MLLT1: variants seen among roughly 807,000 people sequenced by gnomAD.
The protein encoded by MLLT1 is protein ENL.
Under a neutral mutation model 55.1 loss-of-function variants are expected in MLLT1, and 11 were observed. The observed-to-expected ratio is 0.20, with a 90% CI of 0.13 to 0.33. The LOEUF (loss-of-function observed/expected upper bound fraction) is 0.33. Among genes scored for constraint, MLLT1 ranks in the 10% least tolerant of loss-of-function variants. The pLI, the probability that MLLT1 is intolerant of heterozygous loss-of-function variation, is 1.00. For synonymous variants in MLLT1, 323 were observed against 320.1 expected, an observed-to-expected ratio of 1.01 and a Z score of -0.10; for missense variants, 536 against 760.6, an observed-to-expected ratio of 0.70 and a Z score of 3.47.
intron 3 of MLLT1, among the ~76,000 whole-genome samples, chr19:6,249,521 C>T (rs1289248651): frequency 6.6e-6 from 1 of 152,158 alleles, no homozygotes; most frequent in African/African-American, 2.4e-5. Context: ...AGCATGTCCT[C>T]CCAGCCCACA....
intron 3 of MLLT1, among the ~76,000 whole-genome samples, chr19:6,255,552 T>G (rs181524958): frequency 6.6e-6 from 1 of 152,316 alleles, no homozygotes; most frequent in East Asian, 1.9e-4. Flanking sequence ...AAGACTTATG[T>G]ATACTGAAAA....
At position 6,213,747 on chromosome 19, in the gene MLLT1, G is replaced by A; in HGVS notation, c.1458C>T (p.Leu486=). The A allele has an allele frequency of 1.3e-6, 2 of 1,587,892 alleles. No individual in the cohort carries two copies. Among genetic ancestry groups the A allele is most frequent in the Non-Finnish European group, 1.7e-6 (2 of 1,170,980 alleles). ...CCACCTTGTCGTAGGTGCCCTTCTT[G>A]AGGATCTTCTCAGGCTTGCTGCAGG... The part of the protein sequence containing the change: ...PESCSKPEKI[L]KKGTYDKAYT... Residue 486 remains leucine, a synonymous_variant, in exon 10 of 12, where the codon CTC becomes CTT. Transcript: ENST00000252674.
chr19:6,268,339 T>C (rs768402269), intron 2 of MLLT1, among the ~76,000 whole-genome samples: 236 of 152,340 alleles, frequency 1.5e-3, no homozygotes, highest in Non-Finnish European at 2.2e-3. Context: ...GGATAAATTC[T>C]AACCCTTCAA....
chr19:6,275,876 G>A (rs549687295), intron 1 of MLLT1, among the ~76,000 whole-genome samples: 1 of 152,244 alleles, frequency 6.6e-6, no homozygotes, highest in Non-Finnish European at 1.5e-5. Context: ...GGAGGCCTGG[G>A]ACAGAGTATT....
rs146185055 is a variant in MLLT1 at position 6,212,035 on chromosome 19, C to G, written c.*1007G>C. 5 of 1,066,030 alleles carry G rather than the reference C, an allele frequency of 4.7e-6. No individual in the cohort carries two copies. In the East Asian group the frequency reaches 1.5e-4, roughly 32 times the overall value. 66.0% of individuals were successfully genotyped at this position (1,066,030 alleles called of 1,614,324 possible). On this transcript the variant is annotated 3_prime_UTR_variant, in exon 12 of 12. Coordinates refer to ENST00000252674, the MANE Select transcript of MLLT1 (RefSeq NM_005934.4). ...AATGCGCCTCAGAAAACTCCATAAA[C>G]TATCCCGTCTTATTTGGCAAAAGCT...
At position 6,262,165 on chromosome 19, in the gene MLLT1, G is replaced by T; in HGVS notation, c.276+63C>A. 7.5e-7 allele frequency: 1 copy of T among 1,330,760 alleles called. No homozygotes were observed. The highest frequency in any genetic ancestry group is 1.1e-6 in the Non-Finnish European group (1 of 924,560). The allele number at this position is 1,330,760 out of a possible 1,614,324, so 82.4% of individuals were successfully genotyped here. On this transcript the variant is annotated intron_variant, in intron 3 of 11. Coordinates refer to ENST00000252674, the MANE Select transcript of MLLT1 (RefSeq NM_005934.4). This position sits in a 1 kb window ranked among gnomAD's most constrained non-coding sequence, Gnocchi z 4.4. ...TCTCTGGCCTGTTTTGTGAACTGCC[G>T]TGGCACCCGGAGCAGGGGTCCCCAC... is the stretch of plus-strand genomic sequence containing the variant.
intron 1 of MLLT1, among the ~76,000 whole-genome samples, chr19:6,277,038 T>G (rs948294544): frequency 6.6e-6 from 1 of 152,204 alleles, no homozygotes; most frequent in Non-Finnish European, 1.5e-5. Context: ...AATGAGGCAC[T>G]AACATTTTGT....
intron 3 of MLLT1, among the ~76,000 whole-genome samples, chr19:6,237,205 G>A (rs1045277354): frequency 7.2e-5 from 11 of 152,340 alleles, no homozygotes; most frequent in Admixed American, 2.0e-4. Flanking sequence ...TGTGGCCGGC[G>A]GGCCATGCGT....
Position 6,244,364 on chromosome 19 carries a change from TA to T in MLLT1, c.277-13652del, listed in dbSNP as rs200383302. 6.7e-3 allele frequency among the ~76,000 whole-genome samples: 936 copies of T among 139,508 alleles called. 10 individuals carry two copies. The highest frequency in any genetic ancestry group is 0.016 in the African/African-American group (627 of 38,374). 91.5% of individuals were successfully genotyped at this position (139,508 alleles called of 152,430 possible). The stretch of plus-strand genomic sequence containing the variant: ...CCTCCTCCTCACTGTAAACGAACAT[TA>T]AAAAAAAAAAAACCCTCATTTGCGA... On this transcript the variant is annotated intron_variant, in intron 3 of 11. Transcript: ENST00000252674.
rs1483702558 is a variant in MLLT1, at chr19:6,226,833, G to A, written c.546+144C>T. ...GGGAAGCGGCAGTGCGCAGCGAGGG[G>A]TGTGCAGAGAGCTCAAAGAGGAAGA... On this transcript the variant is annotated intron_variant, in intron 5 of 11. Coordinates refer to ENST00000252674, the MANE Select transcript of MLLT1 (RefSeq NM_005934.4). This position sits in a 1 kb window ranked among gnomAD's most constrained non-coding sequence, Gnocchi z 6.3. 3.8e-6 allele frequency: 2 copies of A among 531,784 alleles called. No homozygotes were observed. The highest frequency in any genetic ancestry group is 6.4e-6 in the Non-Finnish European group (2 of 311,408). The allele number at this position is 531,784 out of a possible 1,614,324, so 32.9% of individuals were successfully genotyped here.
intron 3 of MLLT1, among the ~76,000 whole-genome samples, chr19:6,237,947 A>T (rs1040187649): frequency 3.0e-4 from 45 of 151,794 alleles, no homozygotes; most frequent in African/African-American, 3.1e-4. Flanking sequence ...TACAAAAAAA[A>T]TTTTTTTTAA....
chr19:6,268,449 C>G (rs1424780496), intron 2 of MLLT1, among the ~76,000 whole-genome samples: 1 of 152,124 alleles, frequency 6.6e-6, no homozygotes, highest in Non-Finnish European at 1.5e-5. Flanking sequence ...AGGAAGACAG[C>G]CCCGGGGAGG....
At chr19:6,224,571 C>T (rs2090935624) in intron 5 of MLLT1, among the ~76,000 whole-genome samples, 1 of 144,452 alleles carries the variant, frequency 6.9e-6, no homozygotes, top group Admixed American at 6.9e-5. Flanking sequence ...CGTCAGAGGC[C>T]CCTAACACAG....
chr19:6,268,355 T>C (rs2091365985), intron 2 of MLLT1, among the ~76,000 whole-genome samples: 1 of 152,048 alleles, frequency 6.6e-6, no homozygotes, highest in Non-Finnish European at 1.5e-5. Flanking sequence ...TTCAAGCTGG[T>C]AAATCAGTAA....
rs1054818260 is a variant in MLLT1, at chr19:6,213,700, C to T, written c.1479+26G>A. The T allele has an allele frequency of 5.7e-6, 9 of 1,592,762 alleles. No homozygotes were observed. In the African/African-American group the frequency reaches 6.7e-5, roughly 12 times the overall value. The stretch of plus-strand genomic sequence containing the variant: ...CACCACCCACCCCTCCGTAGCCTCC[C>T]CGCCTTGTCGTAGGTGCCCCCCCAC... On this transcript the variant is annotated intron_variant, in intron 10 of 11. Coordinates refer to ENST00000252674, the MANE Select transcript of MLLT1 (RefSeq NM_005934.4).
At chr19:6,223,963 T>C (rs3787066) in intron 5 of MLLT1, among the ~76,000 whole-genome samples, 56,175 of 151,984 alleles carry the variant, frequency 0.37, 13,066 homozygotes, top group African/African-American at 0.66. Flanking sequence ...AGCAGCCAGA[T>C]CCCGAAGGCC....
chr19:6,230,552 G>A lies in MLLT1; in HGVS notation c.420+18C>T. The A allele has an allele frequency of 1.2e-6, 2 of 1,611,200 alleles. No homozygotes were observed. The highest frequency in any genetic ancestry group is 1.7e-6 in the Non-Finnish European group (2 of 1,179,362). ...CGGTGGAGCGGCCCCTTGGCGGGCA[G>A]GGGCGGGGCACACTCACCCCGCCGG... On this transcript the variant is annotated intron_variant, in intron 4 of 11. Transcript: ENST00000252674. This position sits in a 1 kb window ranked among gnomAD's most constrained non-coding sequence, Gnocchi z 9.0.
At chr19:6,250,574 C>G (rs568023882) in intron 3 of MLLT1, among the ~76,000 whole-genome samples, 1 of 152,328 alleles carries the variant, frequency 6.6e-6, no homozygotes, top group African/African-American at 2.4e-5. Context: ...CTAGATCACT[C>G]ATCATGCCGA....
At chr19:6,248,076 A>G (rs2091184091) in intron 3 of MLLT1, among the ~76,000 whole-genome samples, 1 of 152,158 alleles carries the variant, frequency 6.6e-6, no homozygotes, top group African/African-American at 2.4e-5. Context: ...TTTTTAGCAG[A>G]GACGGGGTGC....
Sources: allele counts gnomAD v4.1 joint callset (sites outside exome capture counted in the v4.1 genomes callset), GRCh38; gene constraint gnomAD v4.1.1; non-coding constraint Gnocchi (gnomAD v3.1); transcripts MANE v1.5; gene names NCBI Gene and HGNC (gene_info 2026-07-23, HGNC 2026-07-21).